CHAT: variants seen among roughly 807,000 people sequenced by gnomAD.
CHAT encodes the protein choline O-acetyltransferase.
In CHAT, 61 loss-of-function variants were observed where a neutral mutation model predicts 76.9. That is an observed-to-expected ratio of 0.79 (90% CI 0.65 to 0.98). CHAT has a LOEUF of 0.98. Ranked by LOEUF, CHAT falls within the 50% of genes least tolerant of loss-of-function variation. The pLI is 0.00. For synonymous variants in CHAT, 407 were observed against 397.4 expected (o/e 1.02, Z -0.29); for missense variants, 946 against 986.9 (o/e 0.96, Z 0.56).
At chr10:49,622,199 T>C (rs1272136378) in intron 5 of CHAT, 49 bp downstream of exon 5, 5 of 1,576,844 alleles carry the variant, frequency 3.2e-6, no homozygotes, top group African/African-American at 1.3e-5. Flanking sequence ...TGCCTATGCG[T>C]CTATCTCCCT....
At chr10:49,646,220 T>G (rs1015294767) in intron 7 of CHAT, among the ~76,000 whole-genome samples, 6 of 152,160 alleles carry the variant, frequency 3.9e-5, no homozygotes, top group Non-Finnish European at 5.9e-5. Context: ...GCATGACCAA[T>G]AGCCCACACA....
rs143278434 is a variant in CHAT, at chr10:49,654,407, A to G, written c.1635-688A>G. 6.6e-3 allele frequency among the ~76,000 whole-genome samples: 1,004 copies of G among 151,990 alleles called. 10 individuals carry two copies. Among genetic ancestry groups the G allele is most frequent in the East Asian group, 0.041 (210 of 5,160 alleles). Reference sequence around the variant, plus strand: ...AGCTCTGTGTCTTTTTTCCTCCCCCACTCCCAACATCAAGGACTTTACCAA... The same window carrying G: ...AGCTCTGTGTCTTTTTTCCTCCCCCGCTCCCAACATCAAGGACTTTACCAA... On this transcript the variant is annotated intron_variant, in intron 11 of 14. Transcript: ENST00000337653.
At chr10:49,650,854 G>T (rs1228383199) in intron 10 of CHAT, among the ~76,000 whole-genome samples, 1 of 152,308 alleles carries the variant, frequency 6.6e-6, no homozygotes, top group South Asian at 2.1e-4. Flanking sequence ...GTTCTATAAA[G>T]TGGTGCTCAC....
intron 14 of CHAT, among the ~76,000 whole-genome samples, chr10:49,663,595 C>T (rs1840266121): frequency 6.6e-6 from 1 of 152,224 alleles, no homozygotes; most frequent in South Asian, 2.1e-4. Flanking sequence ...GTATGAGAGC[C>T]ACTGCCACAA....
At chr10:49,655,046 T>G in intron 11 of CHAT, 49 bp from the exon 12 acceptor site, 4 of 1,609,138 alleles carry the variant, frequency 2.5e-6, no homozygotes, top group Non-Finnish European at 3.4e-6. Context: ...GAGTTTATGA[T>G]TTCCCAAGAA....
Position 49,646,528 on chromosome 10 carries a change from G to C in CHAT, c.1135G>C (p.Asp379His), listed in dbSNP as rs115212829. ...AGACTCCACCAACCGGGACTCGCTGGACATGATTGAGCGCTGCATCTGCCT... is the reference window on the plus strand; with the variant it reads ...AGACTCCACCAACCGGGACTCGCTGCACATGATTGAGCGCTGCATCTGCCT... ...VKDSTNRDSL[D>H]MIERCICLVC... The change falls in exon 8 of 15, where the codon GAC becomes CAC. Residue 379 changes from aspartate to histidine, a missense_variant. By Grantham distance (81) the Asp-to-His change is moderately conservative (BLOSUM62 -1). Transcript: ENST00000337653. 5.2e-4 allele frequency: 836 copies of C among 1,614,242 alleles called. 5 individuals are homozygous for C. In the African/African-American group the frequency reaches 9.2e-3, roughly 18 times the overall value.
rs145816617 is a variant in CHAT, at chr10:49,636,692, C to G, written c.1111+8907C>G. 2.3e-3 allele frequency among the ~76,000 whole-genome samples: 349 copies of G among 152,170 alleles called. 1 individual carries two copies. Among genetic ancestry groups the G allele is most frequent in the African/African-American group, 6.2e-3 (257 of 41,502 alleles). ...AGTTTTAATGTTGCTAATTCAATACCCTTAACTCATTTATGCCTAGTGTTC... is the reference window on the plus strand; with the variant it reads ...AGTTTTAATGTTGCTAATTCAATACGCTTAACTCATTTATGCCTAGTGTTC... On this transcript the variant is annotated intron_variant, in intron 7 of 14. Coordinates refer to ENST00000337653, the MANE Select transcript of CHAT (RefSeq NM_020549.5).
rs1840003980 is a variant in CHAT at position 49,655,402 on chromosome 10, T to C, written c.1793T>C (p.Leu598Pro). The change falls in exon 13 of 15, where the codon CTG (leucine) becomes CCG (proline). Residue 598 changes from leucine (L) to proline (P), a missense_variant. By Grantham distance (98) the Leu-to-Pro change is moderately conservative (BLOSUM62 -3). Around this residue, in one of 3 missense-constraint regions of CHAT, gnomAD observed 349 missense variants for 393.9 expected, o/e 0.89. Transcript: ENST00000337653. Reference protein sequence around the residue: ...KAAVPASEKLLLLKDAIRAQT... With the variant: ...KAAVPASEKLPLLKDAIRAQT... ...TGTTGACAGGCTTCTGAGAAGCTTC[T>C]GCTCCTGAAGGATGCCATCCGTGCC... is the stretch of plus-strand genomic sequence containing the variant. 2 of 1,614,168 alleles carry C rather than the reference T, an allele frequency of 1.2e-6. No homozygotes were observed. Among genetic ancestry groups the C allele is most frequent in the Non-Finnish European group, 1.7e-6 (2 of 1,180,034 alleles).
At position 49,625,447 on chromosome 10, in the gene CHAT, C is replaced by T. The variant is rs12257601; in HGVS notation, c.753-26C>T. Reference sequence around the variant, plus strand: ...ACCACCCACCATCCCCTCGTGGCTGCCTCCCTTCCCACTCCTCTCCTTCAG... The same window carrying T: ...ACCACCCACCATCCCCTCGTGGCTGTCTCCCTTCCCACTCCTCTCCTTCAG... On this transcript the variant is annotated intron_variant, in intron 5 of 14. Transcript: ENST00000337653. 0.017 allele frequency: 26,815 copies of T among 1,610,322 alleles called. 3,564 individuals carry two copies. The African/African-American group carries it at 0.3, about 18-fold the overall frequency.
chr10:49,639,560 CACACACACAT>C (rs1414514500), intron 7 of CHAT, among the ~76,000 whole-genome samples: 2 of 150,482 alleles, frequency 1.3e-5, no homozygotes, highest in African/African-American at 4.9e-5. Context: ...CACACACACA[CACACACACAT>C]ATGGGTGTGT....
intron 11 of CHAT, among the ~76,000 whole-genome samples, chr10:49,653,846 T>A (rs1266604080): frequency 1.3e-5 from 2 of 152,242 alleles, no homozygotes; most frequent in Non-Finnish European, 1.5e-5. Flanking sequence ...CTCTCTACTA[T>A]GAGCACTTCC....
intron 7 of CHAT, among the ~76,000 whole-genome samples, chr10:49,629,527 T>A (rs1271029761): frequency 2.6e-5 from 4 of 152,198 alleles, no homozygotes; most frequent in Non-Finnish European, 1.5e-5. Flanking sequence ...GAGACAGGCA[T>A]CAAAATAATC....
At chr10:49,611,685 G>A (rs1554800734), upstream of CHAT, 4 of 1,610,580 alleles carry the variant, frequency 2.5e-6, no homozygotes, top group Non-Finnish European at 3.4e-6. Context: ...TTGCCACGTG[G>A]ATGAAGCATA....
At chr10:49,626,576 C>T (rs911263237) in intron 6 of CHAT, among the ~76,000 whole-genome samples, 4 of 152,120 alleles carry the variant, frequency 2.6e-5, no homozygotes, top group African/African-American at 7.2e-5. Flanking sequence ...TCGCAGCCCA[C>T]CTGACACCTT....
intron 7 of CHAT, among the ~76,000 whole-genome samples, chr10:49,646,279 C>T (rs1337720843): frequency 1.3e-5 from 2 of 152,202 alleles, no homozygotes; most frequent in African/African-American, 4.8e-5. Context: ...CTGCAGGGAC[C>T]GTGCGAATGA....
intron 8 of CHAT, among the ~76,000 whole-genome samples, chr10:49,647,762 TCC>T (rs1839723063): frequency 2.1e-5 from 1 of 48,762 alleles, no homozygotes; most frequent in South Asian, 5.5e-4. Context: ...CTTCCTTCCT[TCC>T]TTCCTTCCTT....
chr10:49,664,348 A>G (rs1407395542), intron 14 of CHAT, among the ~76,000 whole-genome samples: 1 of 152,202 alleles, frequency 6.6e-6, no homozygotes, highest in Non-Finnish European at 1.5e-5. Context: ...ATCTGGGGGA[A>G]ATCGACACAG....
intron 11 of CHAT, among the ~76,000 whole-genome samples, 175 bp from the exon 12 acceptor site, chr10:49,654,920 C>T (rs558844965): frequency 1.3e-5 from 2 of 152,202 alleles, no homozygotes; most frequent in African/African-American, 4.8e-5. Flanking sequence ...GTGGGAGACT[C>T]CCCAGCGTCA....
upstream of CHAT, chr10:49,611,466 C>T (rs1188733202): frequency 2.5e-6 from 4 of 1,599,120 alleles, no homozygotes; most frequent in African/African-American, 1.3e-5. Context: ...CCGGCAAGCG[C>T]GTGCCCTTCT....
Sources: gnomAD v4.1 joint callset for allele counts (sites outside exome capture counted in the v4.1 genomes callset) on GRCh38, gnomAD v4.1.1 for gene constraint, gnomAD v4.1.1 regional missense constraint, MANE v1.5 for transcripts, NCBI Gene and HGNC (gene_info 2026-07-23, HGNC 2026-07-21) for gene names.